Variants in MFAP1 observed in about 807,000 individuals in gnomAD.
The protein encoded by MFAP1 is microfibril associated protein 1, also known as microfibrillar-associated protein 1.
MFAP1 carries 18 observed loss-of-function variants against 62.2 expected under a neutral mutation model. That is an observed-to-expected ratio of 0.29 (90% CI 0.20 to 0.43). MFAP1 has a LOEUF of 0.43. MFAP1 is among the 20% of genes least tolerant of loss of function. The pLI, the probability that MFAP1 is intolerant of heterozygous loss-of-function variation, is 1.00. For synonymous variants in MFAP1, 175 were observed against 180.4 expected, an observed-to-expected ratio of 0.97 and a Z score of 0.24; for missense variants, 355 against 559.7, an observed-to-expected ratio of 0.63 and a Z score of 3.69.
At position 43,813,042 on chromosome 15, in the gene MFAP1, C is replaced by A. The variant is rs1258769661; in HGVS notation, c.832G>T (p.Ala278Ser). 6.2e-7 allele frequency: 1 copy of A among 1,614,110 alleles called. No homozygotes were observed. The highest frequency in any genetic ancestry group is 8.5e-7 in the Non-Finnish European group (1 of 1,180,016). ...DDENDEEEYE[A>S]WKVRELKRIK... ...CTTTTTAGCTCTCGAACTTTCCATG[C>A]CTCATATTCCTCCTCATCATTTTCA... The change falls in exon 6 of 9, where the codon GCA becomes TCA. Residue 278 changes from alanine (A) to serine (S), a missense_variant. By Grantham distance (99) the Ala-to-Ser change is moderately conservative. Transcript: ENST00000267812.
chr15:43,813,387 A>G, intron 4 of MFAP1, 30 bp from the exon 5 acceptor site: 1 of 1,590,176 alleles, frequency 6.3e-7, no homozygotes, highest in Non-Finnish European at 8.5e-7. Flanking sequence ...TTAATTGCCC[A>G]AAGTCCTTAG....
chr15:43,811,570 C>A (rs377123287), intron 6 of MFAP1, among the ~76,000 whole-genome samples: 1 of 150,148 alleles, frequency 6.7e-6, no homozygotes. Flanking sequence ...TGCAGTGGCA[C>A]GATCTCAGCT....
intron 1 of MFAP1, among the ~76,000 whole-genome samples, chr15:43,819,361 T>A (rs1027596667): frequency 2.0e-5 from 3 of 152,296 alleles, no homozygotes; most frequent in South Asian, 4.1e-4. Context: ...AAGCTGGCCT[T>A]GGACTCCTGG....
intron 1 of MFAP1, 83 bp downstream of exon 1, chr15:43,824,408 G>T: frequency 7.3e-7 from 1 of 1,364,228 alleles, no homozygotes; most frequent in Non-Finnish European, 1.0e-6. Flanking sequence ...CGGGGTTGGA[G>T]TGGTCTGTCC....
At position 43,814,930 on chromosome 15, in the gene MFAP1, G is replaced by A; in HGVS notation, c.429+15C>T. 2 of 1,611,806 alleles carry A rather than the reference G, an allele frequency of 1.2e-6. No individual in the cohort carries two copies. Among genetic ancestry groups the A allele is most frequent in the African/African-American group, 1.3e-5 (1 of 74,908 alleles). ...TTATATCCAGAAAAAAACTTCCCAT[G>A]TTCCTTTATCATACCTCATCATCAA... On this transcript the variant is annotated intron_variant, in intron 3 of 8. Transcript: ENST00000267812.
At chr15:43,806,808 G>A (rs948900927) in intron 7 of MFAP1, among the ~76,000 whole-genome samples, 1 of 152,162 alleles carries the variant, frequency 6.6e-6, no homozygotes, top group Non-Finnish European at 1.5e-5. Context: ...GGAGGTGGAG[G>A]TTGCAGTGAG....
Position 43,804,917 on chromosome 15 carries a change from G to T in MFAP1, c.*177C>A. ...ACAGTGCTTTCCTGTGGGTTTCTCA[G>T]CATGAGTCCAAACCTCACAAAGCAC... On this transcript the variant is annotated 3_prime_UTR_variant, in exon 9 of 9. Transcript: ENST00000267812. 1 of 589,242 alleles carries T rather than the reference G, an allele frequency of 1.7e-6. No individual in the cohort carries two copies. Among genetic ancestry groups the T allele is most frequent in the Non-Finnish European group, 2.8e-6 (1 of 353,374 alleles). 36.5% of individuals were successfully genotyped at this position (589,242 alleles called of 1,614,324 possible). A position where few individuals can be genotyped will look rare whatever the true frequency, so the allele number is the denominator to read the frequency against.
intron 4 of MFAP1, 122 bp downstream of exon 4, chr15:43,814,379 T>G: frequency 8.8e-7 from 1 of 1,141,614 alleles, no homozygotes; most frequent in East Asian, 2.4e-5. Context: ...GGTAGAGCAC[T>G]AGCAAAAGCA....
rs756032487 is a variant in MFAP1, at chr15:43,805,481, C to A, written c.1048-16G>T. ...CATCCTCATCCTGTATAAAAAAAAT[C>A]TTATCAATCTTGTGGCTTTATTTCC... is the stretch of plus-strand genomic sequence containing the variant. On this transcript the variant is annotated splice_polypyrimidine_tract_variant and intron_variant, in intron 7 of 8. Transcript: ENST00000267812. 1.9e-6 allele frequency: 3 copies of A among 1,590,624 alleles called. No individual in the cohort carries two copies. The highest frequency in any genetic ancestry group is 2.7e-5 in the African/African-American group (2 of 73,608).
intron 1 of MFAP1, 76 bp from the exon 2 acceptor site, chr15:43,817,524 A>G (rs1357863030): frequency 4.1e-5 from 58 of 1,423,718 alleles, no homozygotes; most frequent in Non-Finnish European, 5.3e-5. Flanking sequence ...CTTTGCAAAT[A>G]GAGCCCTTTA....
At chr15:43,813,492 C>T (rs1455272876) in intron 4 of MFAP1, 135 bp from the exon 5 acceptor site, 8 of 709,290 alleles carry the variant, frequency 1.1e-5, no homozygotes, top group Non-Finnish European at 1.3e-5. Context: ...GCAAAAAACG[C>T]TGAGTCATCC....
chr15:43,819,194 AAAAAC>A (rs916399319), intron 1 of MFAP1, among the ~76,000 whole-genome samples: 17 of 152,368 alleles, frequency 1.1e-4, no homozygotes, highest in African/African-American at 3.6e-4. Context: ...CTCTGTCTTT[AAAAAC>A]AAAACAAAAC....
At chr15:43,811,531 A>G (rs965566343) in intron 6 of MFAP1, among the ~76,000 whole-genome samples, 93 of 145,338 alleles carry the variant, frequency 6.4e-4, no homozygotes, top group Non-Finnish European at 1.2e-3. Context: ...TTTTCCAGAT[A>G]GAGTCTCACT....
chr15:43,820,667 G>A (rs919245424), intron 1 of MFAP1, among the ~76,000 whole-genome samples: 2 of 152,036 alleles, frequency 1.3e-5, no homozygotes, highest in Admixed American at 6.5e-5. Flanking sequence ...GTGCGGTGGC[G>A]CAATCATGGC....
chr15:43,822,589 G>C (rs2087473101), intron 1 of MFAP1, among the ~76,000 whole-genome samples: 1 of 152,008 alleles, frequency 6.6e-6, no homozygotes, highest in Non-Finnish European at 1.5e-5. Context: ...GGCCAGGCTG[G>C]TCTCAAACTC....
At position 43,817,463 on chromosome 15, in the gene MFAP1, T is replaced by C. The variant is rs764809421; in HGVS notation, c.80-15A>G. 1.9e-6 allele frequency: 3 copies of C among 1,613,568 alleles called. No homozygotes were observed. Among genetic ancestry groups the C allele is most frequent in the Non-Finnish European group, 1.7e-6 (2 of 1,179,606 alleles). On this transcript the variant is annotated splice_polypyrimidine_tract_variant and intron_variant, in intron 1 of 8. Transcript: ENST00000267812. ...TGAAATCTCACCTGGGCGAGAAAGG[T>C]AACTTATGTTTCAGTAGCCTCTTTC...
At chr15:43,817,165 G>GCTA (rs2141710614) in intron 2 of MFAP1, 64 bp downstream of exon 2, 4 of 1,428,118 alleles carry the variant, frequency 2.8e-6, no homozygotes, top group Non-Finnish European at 3.9e-6. Flanking sequence ...TCAAGTATTA[G>GCTA]CTATTATTAT....
intron 6 of MFAP1, 77 bp from the exon 7 acceptor site, chr15:43,809,991 A>G: frequency 6.6e-7 from 1 of 1,522,640 alleles, no homozygotes; most frequent in Non-Finnish European, 9.0e-7. Flanking sequence ...TAACAGTCCC[A>G]TGTCATTTCA....
rs753253256 is a variant in MFAP1, at chr15:43,824,486, C to G, written c.79+5G>C. On this transcript the variant is annotated splice_donor_5th_base_variant and intron_variant, in intron 1 of 8. Coordinates refer to ENST00000267812, the MANE Select transcript of MFAP1 (RefSeq NM_005926.3). ...TCGACTGGGAAGAGGGTGTTAGCAC[C>G]GTACCTTTCTCATTGCGAACTGGGA... is the stretch of plus-strand genomic sequence containing the variant. The G allele has an allele frequency of 1.2e-6, 2 of 1,613,926 alleles. No homozygotes were observed. The highest frequency in any genetic ancestry group is 2.7e-5 in the African/African-American group (2 of 74,894).
Sources: gnomAD v4.1 joint callset for allele counts (sites outside exome capture counted in the v4.1 genomes callset) on GRCh38, gnomAD v4.1.1 for gene constraint, MANE v1.5 for transcripts, NCBI Gene and HGNC (gene_info 2026-07-23, HGNC 2026-07-21) for gene names.